Variants in FMR1 observed in about 807,000 individuals in gnomAD.
FMR1 encodes FMRP translational regulator 1.
FMR1 carries 13 observed loss-of-function variants against 50.6 expected under a neutral mutation model. The ratio of observed to expected loss-of-function variants is 0.26; its 90% CI spans 0.17 to 0.41. The LOEUF is 0.41. Among genes scored for constraint, FMR1 ranks in the 10% least tolerant of loss-of-function variants. The pLI, the probability that FMR1 is intolerant of heterozygous loss-of-function variation, is 1.00. For missense variants in FMR1, 316 were observed against 491.3 expected, an observed-to-expected ratio of 0.64 and a Z score of 3.37; for synonymous variants, 138 against 164.1, an observed-to-expected ratio of 0.84 and a Z score of 1.22.
chrX:147,928,414 A>G (rs1557177929), intron 4 of FMR1, 21 bp downstream of exon 4: 8 of 1,148,331 alleles, frequency 7.0e-6, no homozygotes, highest in Non-Finnish European at 8.3e-6. Flanking sequence ...GCCTATTTAA[A>G]TTTTTTTCTT....
intron 13 of FMR1, among the ~76,000 whole-genome samples, chrX:147,941,385 C>T (rs1261222805): frequency 1.8e-5 from 2 of 112,383 alleles, no homozygotes; most frequent in African/African-American, 6.5e-5. Context: ...GGAAACTGAT[C>T]TACTTCATTT....
intron 14 of FMR1, 144 bp downstream of exon 14, chrX:147,943,470 A>G: frequency 1.9e-6 from 1 of 536,855 alleles, no homozygotes; most frequent in South Asian, 2.9e-5. Flanking sequence ...GTTACAGGAG[A>G]CATAGAGTAA....
chrX:147,911,959 TGGA>T lies in FMR1; in HGVS notation c.-218_-216del, dbSNP rs1931569821. On this transcript the variant is annotated 5_prime_UTR_variant, in exon 1 of 17. Coordinates refer to ENST00000370475, the MANE Select transcript of FMR1 (RefSeq NM_002024.6). ...AGCTCCGTTTCGGTTTCACTTCCGG[TGGA>T]GGGCCGCCTCTGAGCGGGCGGCGGG... 9.2e-6 allele frequency: 1 copy of T among 108,218 alleles called. No individual in the cohort carries two copies. The highest frequency in any genetic ancestry group is 1.9e-5 in the Non-Finnish European group (1 of 51,634). 8.9% of individuals were successfully genotyped at this position (108,218 alleles called of 1,213,427 possible).
At chrX:147,940,498 G>A (rs1419364117) in intron 12 of FMR1, 78 bp from the exon 13 acceptor site, 14 of 632,897 alleles carry the variant, frequency 2.2e-5, no homozygotes, top group Non-Finnish European at 3.5e-5. Context: ...CCTGTGCTAG[G>A]GAATTAGTCG....
chrX:147,939,559 T>G (rs1557180273), intron 12 of FMR1, among the ~76,000 whole-genome samples: 2 of 111,570 alleles, frequency 1.8e-5, no homozygotes, highest in Non-Finnish European at 3.8e-5. Flanking sequence ...AATGATTTAC[T>G]TTTTACTTTT....
intron 10 of FMR1, 151 bp from the exon 11 acceptor site, chrX:147,937,315 G>T: frequency 6.8e-6 from 3 of 441,709 alleles, no homozygotes; most frequent in Non-Finnish European, 1.2e-5. Context: ...TTTTTTCTGC[G>T]TACAATTTGT....
intron 2 of FMR1, among the ~76,000 whole-genome samples, chrX:147,923,418 A>G (rs1046320565): frequency 2.7e-5 from 3 of 111,800 alleles, no homozygotes; most frequent in African/African-American, 9.8e-5. Context: ...TTTTCTTACA[A>G]TTATACACTT....
At position 147,944,998 on chromosome X, in the gene FMR1, G is replaced by C. The variant is rs781893340; in HGVS notation, c.1601G>C (p.Arg534Pro). Residue 534 changes from arginine (R) to proline (P), a missense_variant, in exon 15 of 17, where the codon CGT becomes CCT. By Grantham distance (103) the Arg-to-Pro change is moderately radical. Around this residue, in one of 4 missense-constraint regions of FMR1, gnomAD observed 124 missense variants for 160.8 expected, o/e 0.77. Transcript: ENST00000370475. ...CTGCGCAGAGGAGACGGACGGCGGCGTGGAGGGGGAGGAAGAGGACAAGGA... is the reference window on the plus strand; with the variant it reads ...CTGCGCAGAGGAGACGGACGGCGGCCTGGAGGGGGAGGAAGAGGACAAGGA... The part of the protein sequence containing the change: ...SFLRRGDGRR[R>P]GGGGRGQGGR... The C allele has an allele frequency of 2.5e-6, 3 of 1,200,364 alleles. No homozygotes were observed. Among genetic ancestry groups the C allele is most frequent in the South Asian group, 1.8e-5 (1 of 55,560 alleles).
chrX:147,944,133 A>G (rs2124568755), intron 14 of FMR1: 1 of 750,962 alleles, frequency 1.3e-6, no homozygotes, highest in Admixed American at 8.9e-5. Context: ...CTTGAACCTA[A>G]CCCCTAACCC....
rs1557183120 is a variant in FMR1, at chrX:147,949,830, CATAT to C, written c.*987_*990del. On this transcript the variant is annotated 3_prime_UTR_variant, in exon 17 of 17. Coordinates refer to ENST00000370475, the MANE Select transcript of FMR1 (RefSeq NM_002024.6). ...CTGCCCCAAGTTTTGTGAAATTTTT[CATAT>C]TTTAATTTCAAGCTTATTTTGGAGA... 4 of 325,137 alleles carry C rather than the reference CATAT, an allele frequency of 1.2e-5. No homozygotes were observed. The Admixed American group carries it at 1.3e-4, about 10-fold the overall frequency. The allele number at this position is 325,137 out of a possible 1,213,427, so 26.8% of individuals were successfully genotyped here. A position where few individuals can be genotyped will look rare whatever the true frequency, so the allele number is the denominator to read the frequency against.
At position 147,912,119 on chromosome X, in the gene FMR1, C is replaced by A. The variant is rs782070544; in HGVS notation, c.-61C>A. On this transcript the variant is annotated 5_prime_UTR_variant, in exon 1 of 17. Coordinates refer to ENST00000370475, the MANE Select transcript of FMR1 (RefSeq NM_002024.6). ...GGCGGCGGCGGCGGCGGCTGGGCCT[C>A]GAGCGCCCGCAGCCCACCTCTCGGG... The A allele has an allele frequency of 6.7e-6, 5 of 741,964 alleles. No homozygotes were observed. The South Asian group carries it at 1.9e-4, about 29-fold the overall frequency. 61.1% of individuals were successfully genotyped at this position (741,964 alleles called of 1,213,427 possible).
intron 16 of FMR1, chrX:147,948,442 C>T (rs782060324): frequency 7.9e-5 from 80 of 1,015,539 alleles, no homozygotes; most frequent in Admixed American, 2.1e-4. Context: ...GTGAGTTTTT[C>T]TCTAACTTTG....
rs1314656843 is a variant in FMR1 at position 147,949,498 on chromosome X, T to A, written c.*654T>A. The A allele has an allele frequency of 3.0e-6, 1 of 327,924 alleles. No homozygotes were observed. The highest frequency in any genetic ancestry group is 5.9e-6 in the Non-Finnish European group (1 of 169,728). The allele number at this position is 327,924 out of a possible 1,213,427, so 27.0% of individuals were successfully genotyped here. On this transcript the variant is annotated 3_prime_UTR_variant, in exon 17 of 17. Coordinates refer to ENST00000370475, the MANE Select transcript of FMR1 (RefSeq NM_002024.6). The stretch of plus-strand genomic sequence containing the variant: ...AGATGTAGCAAACCCTGTCAAACAT[T>A]AGTACTTTATAGAAGAATGCATGCT...
In FMR1 at chrX:147,945,087, G is replaced by T. The variant is rs782810868; in HGVS notation, c.1654+36G>T. On this transcript the variant is annotated intron_variant, in intron 15 of 16. Coordinates refer to ENST00000370475, the MANE Select transcript of FMR1 (RefSeq NM_002024.6). ...CTTCATTAAGAAATCAAAGTGAATT[G>T]TAACAGCTGTCTTGAAGTTCCATGA... 71 of 1,163,042 alleles carry T rather than the reference G, an allele frequency of 6.1e-5. 1 individual carries two copies. In the South Asian group the frequency reaches 1.2e-3, roughly 20 times the overall value.
intron 2 of FMR1, among the ~76,000 whole-genome samples, chrX:147,922,338 T>G (rs29295): frequency 1.8e-5 from 2 of 111,689 alleles, no homozygotes; most frequent in Non-Finnish European, 3.8e-5. Flanking sequence ...TGCTAAAAAG[T>G]TGTATGTGAG....
At position 147,930,705 on chromosome X, in the gene FMR1, T is replaced by G. The variant is rs781849302; in HGVS notation, c.630+461T>G. On this transcript the variant is annotated intron_variant, in intron 7 of 16. Transcript: ENST00000370475. ...AGAGGCTATTTCCCTAACTTACTATTTTGTCTCTTAAGGTGCATTTTATCT... is the reference window on the plus strand; with the variant it reads ...AGAGGCTATTTCCCTAACTTACTATGTTGTCTCTTAAGGTGCATTTTATCT... Among the ~76,000 whole-genome samples the G allele has an allele frequency of 2.7e-5, 3 of 112,062 alleles. No homozygotes were observed. The East Asian group carries it at 8.4e-4, about 31-fold the overall frequency.
intron 2 of FMR1, among the ~76,000 whole-genome samples, chrX:147,924,160 T>C (rs2043296533): frequency 9.0e-6 from 1 of 111,598 alleles, no homozygotes; most frequent in Non-Finnish European, 1.9e-5. Context: ...AATTTAGCAA[T>C]GAATGTATAA....
At position 147,950,606 on chromosome X, in the gene FMR1, A is replaced by G. The variant is rs1197168927; in HGVS notation, c.*1762A>G. 3.0e-6 allele frequency: 1 copy of G among 328,080 alleles called. No individual in the cohort carries two copies. The highest frequency in any genetic ancestry group is 2.6e-5 in the African/African-American group (1 of 37,785). The allele number at this position is 328,080 out of a possible 1,213,427, so 27.0% of individuals were successfully genotyped here. A position where few individuals can be genotyped will look rare whatever the true frequency, so the allele number is the denominator to read the frequency against. On this transcript the variant is annotated 3_prime_UTR_variant, in exon 17 of 17. Coordinates refer to ENST00000370475, the MANE Select transcript of FMR1 (RefSeq NM_002024.6). ...AGTGCAATATATTTTGTATGCAAGC[A>G]GTTTCAATAAAGTTTGATCTTCCTC... is the stretch of plus-strand genomic sequence containing the variant.
intron 2 of FMR1, among the ~76,000 whole-genome samples, chrX:147,924,297 A>G (rs1276249758): frequency 1.8e-5 from 2 of 110,443 alleles, no homozygotes; most frequent in African/African-American, 6.6e-5. Flanking sequence ...AAAAACAAGT[A>G]CTTTTCTCAA....
Sources: gnomAD v4.1 joint callset for allele counts (sites outside exome capture counted in the v4.1 genomes callset) on GRCh38, gnomAD v4.1.1 for gene constraint, gnomAD v4.1.1 regional missense constraint, MANE v1.5 for transcripts, NCBI Gene and HGNC (gene_info 2026-07-23, HGNC 2026-07-21) for gene names.